Variants in PPP6R3 observed in about 807,000 individuals in gnomAD.
PPP6R3 encodes the protein serine/threonine-protein phosphatase 6 regulatory subunit 3.
Under a neutral mutation model 110.7 loss-of-function variants are expected in PPP6R3, and 38 were observed. The observed-to-expected ratio is 0.34, with a 90% CI of 0.26 to 0.45. PPP6R3 has a LOEUF of 0.45. PPP6R3 is among the 20% of genes least tolerant of loss of function. The pLI, the probability that PPP6R3 is intolerant of heterozygous loss-of-function variation, is 1.00. For missense variants in PPP6R3, 870 were observed against 1,062.4 expected, an observed-to-expected ratio of 0.82 and a Z score of 2.52; for synonymous variants, 369 against 373.5, an observed-to-expected ratio of 0.99 and a Z score of 0.14.
At chr11:68,490,671 C>T (rs1293273641) in intron 1 of PPP6R3, among the ~76,000 whole-genome samples, 2 of 150,868 alleles carry the variant, frequency 1.3e-5, no homozygotes, top group African/African-American at 2.4e-5. Context: ...TTTTCAGTTA[C>T]GGAAGTTTCT....
chr11:68,599,875 G>A (rs939446212), intron 19 of PPP6R3, among the ~76,000 whole-genome samples: 1 of 152,084 alleles, frequency 6.6e-6, no homozygotes, highest in African/African-American at 2.4e-5. Flanking sequence ...TGTAATCCCA[G>A]CACTTTGGGA....
chr11:68,589,658 A>G (rs998645904), intron 16 of PPP6R3, among the ~76,000 whole-genome samples: 17 of 152,226 alleles, frequency 1.1e-4, no homozygotes, highest in African/African-American at 4.1e-4. Flanking sequence ...TGCCACAGAC[A>G]CCCAGTATCT....
At chr11:68,577,943 C>A (rs1458478015) in intron 14 of PPP6R3, among the ~76,000 whole-genome samples, 1 of 152,170 alleles carries the variant, frequency 6.6e-6, no homozygotes, top group Non-Finnish European at 1.5e-5. Flanking sequence ...TTACCTATAT[C>A]CCCTGTTGAG....
intron 1 of PPP6R3, among the ~76,000 whole-genome samples, chr11:68,509,271 T>C (rs1455938196): frequency 1.3e-5 from 2 of 152,234 alleles, no homozygotes; most frequent in Non-Finnish European, 2.9e-5. Flanking sequence ...TCAAAGCATC[T>C]CTTTGTGGCT....
At chr11:68,596,239 G>T (rs2099613559) in intron 19 of PPP6R3, 21 bp downstream of exon 19, 3 of 1,614,084 alleles carry the variant, frequency 1.9e-6, no homozygotes, top group Non-Finnish European at 1.7e-6. Flanking sequence ...TCATTCTTCA[G>T]ATCAGCTGCC....
In PPP6R3 at chr11:68,497,803, T is replaced by C. The variant is rs187797494; in HGVS notation, c.-157-21698T>C. ...TTATTTTTCTTTTATCTCGTGTTTT[T>C]GGTGTCATATCTAAGAAAGTTTTGC... is the stretch of plus-strand genomic sequence containing the variant. On this transcript the variant is annotated intron_variant, in intron 1 of 23. Transcript: ENST00000393800. Among the ~76,000 whole-genome samples, 3 of 152,360 alleles carry C rather than the reference T, an allele frequency of 2.0e-5. No individual in the cohort carries two copies. In the East Asian group the frequency reaches 5.8e-4, roughly 29 times the overall value.
chr11:68,471,630 C>T (rs886803270), intron 1 of PPP6R3, among the ~76,000 whole-genome samples: 1 of 152,170 alleles, frequency 6.6e-6, no homozygotes, highest in African/African-American at 2.4e-5. Flanking sequence ...GCAAGTAGAG[C>T]TCCGTCATGG....
chr11:68,497,860 G>GT (rs2099026898), intron 1 of PPP6R3, among the ~76,000 whole-genome samples: 2 of 151,956 alleles, frequency 1.3e-5, no homozygotes, highest in South Asian at 2.1e-4. Flanking sequence ...TAACTCCTGT[G>GT]TTTTTTTCTG....
chr11:68,553,291 T>C (rs2099387785), intron 6 of PPP6R3, among the ~76,000 whole-genome samples: 1 of 150,164 alleles, frequency 6.7e-6, no homozygotes, highest in African/African-American at 2.5e-5. Context: ...TATTTGCTTT[T>C]ACTTTTTTTT....
intron 1 of PPP6R3, among the ~76,000 whole-genome samples, chr11:68,471,226 G>A (rs1443351513): frequency 4.6e-5 from 7 of 150,560 alleles, no homozygotes; most frequent in Admixed American, 3.3e-4. Flanking sequence ...GGAGTTTGCA[G>A]TGAGCTGAGA....
intron 2 of PPP6R3, among the ~76,000 whole-genome samples, chr11:68,525,317 A>G (rs2153594734): frequency 6.6e-6 from 1 of 152,184 alleles, no homozygotes; most frequent in Admixed American, 6.5e-5. Context: ...CCACCTTTAT[A>G]TAAAGTTGCA....
At chr11:68,481,548 C>T (rs1052835172) in intron 1 of PPP6R3, among the ~76,000 whole-genome samples, 1 of 152,192 alleles carries the variant, frequency 6.6e-6, no homozygotes, top group Non-Finnish European at 1.5e-5. Context: ...TTGTAGAGGA[C>T]ATGGGTTAGA....
At chr11:68,498,349 A>C (rs2099030308) in intron 1 of PPP6R3, among the ~76,000 whole-genome samples, 1 of 152,190 alleles carries the variant, frequency 6.6e-6, no homozygotes, top group Non-Finnish European at 1.5e-5. Flanking sequence ...GTCTTGTCCC[A>C]CTTAACTTCC....
At chr11:68,511,780 CGTGTGTGTGTGTGT>C (rs143019841) in intron 1 of PPP6R3, among the ~76,000 whole-genome samples, 1 of 126,508 alleles carries the variant, frequency 7.9e-6, no homozygotes, top group Non-Finnish European at 1.7e-5. Flanking sequence ...TGCGCCCAGC[CGTGTGTGTGTGTGT>C]GTGTGTGTGT....
intron 5 of PPP6R3, 58 bp from the exon 6 acceptor site, chr11:68,551,063 T>C (rs1009474552): frequency 6.9e-5 from 82 of 1,187,468 alleles, no homozygotes; most frequent in Middle Eastern, 2.1e-4. Context: ...TTAATCTACA[T>C]TGGGGCTTGA....
chr11:68,569,832 G>C lies in PPP6R3; in HGVS notation c.1213G>C (p.Glu405Gln). 1 of 1,611,840 alleles carries C rather than the reference G, an allele frequency of 6.2e-7. No homozygotes were observed. The highest frequency in any genetic ancestry group is 8.5e-7 in the Non-Finnish European group (1 of 1,178,492). Residue 405 changes from glutamate (E) to glutamine (Q), a missense_variant, in exon 11 of 24, where the codon GAA becomes CAA. Coordinates refer to ENST00000393800, the MANE Select transcript of PPP6R3 (RefSeq NM_001164161.2). ...TGCACTGATTCTTGCAAGTCCTTTT[G>C]AAAACACAGAAAATGCCACAATTAC... ...CIALILASPFENTENATITDQ... is the reference protein window; with the variant it reads ...CIALILASPFQNTENATITDQ...
chr11:68,566,641 A>G (rs997520399), intron 9 of PPP6R3, among the ~76,000 whole-genome samples: 3 of 152,174 alleles, frequency 2.0e-5, no homozygotes, highest in African/African-American at 7.2e-5. Flanking sequence ...GATTATAGGC[A>G]TGAGCTACTG....
chr11:68,518,498 G>A (rs552709240), intron 1 of PPP6R3, among the ~76,000 whole-genome samples: 42 of 152,298 alleles, frequency 2.8e-4, no homozygotes, highest in African/African-American at 8.9e-4. Flanking sequence ...AGAGGGATTT[G>A]CCATACAGGA....
In PPP6R3 at chr11:68,594,294, AGAGAG is replaced by A. The variant is rs1236923186; in HGVS notation, c.1917-1797_1917-1793del. 9.2e-3 allele frequency among the ~76,000 whole-genome samples: 1,212 copies of A among 132,252 alleles called. 3 individuals are homozygous for A. The highest frequency in any genetic ancestry group is 0.014 in the Non-Finnish European group (874 of 60,572). 86.8% of individuals were successfully genotyped at this position (132,252 alleles called of 152,430 possible). On this transcript the variant is annotated intron_variant, in intron 18 of 23. Coordinates refer to ENST00000393800, the MANE Select transcript of PPP6R3 (RefSeq NM_001164161.2). Reference sequence around the variant, plus strand: ...AGAGAGAGAGAGAGAGAGAGAGAGGAGAGAGGAGAGAGAGAGAGAGAGAGAAAAAG... The same window carrying A: ...AGAGAGAGAGAGAGAGAGAGAGAGGAGAGAGAGAGAGAGAGAGAGAAAAAG...
Sources: gnomAD v4.1 joint callset for allele counts (sites outside exome capture counted in the v4.1 genomes callset) on GRCh38, gnomAD v4.1.1 for gene constraint, MANE v1.5 for transcripts, NCBI Gene and HGNC (gene_info 2026-07-23, HGNC 2026-07-21) for gene names.